Variants in SHC4 observed in about 807,000 individuals in gnomAD.
The protein encoded by SHC4 is SHC-transforming protein 4.
In SHC4, 41 loss-of-function variants were observed where a neutral mutation model predicts 69.4. That is an observed-to-expected ratio of 0.59 (90% CI 0.46 to 0.77). The LOEUF (loss-of-function observed/expected upper bound fraction) is 0.77, where lower values mean the gene tolerates loss of function less well. SHC4 is among the 30% of genes least tolerant of loss of function. The probability of loss-of-function intolerance (pLI) is 0.00; values close to 1 mark genes in which losing one functional copy is unlikely to be tolerated. For missense variants in SHC4, 777 were observed against 783.8 expected (o/e 0.99, Z 0.10); for synonymous variants, 318 against 299.3 (o/e 1.06, Z -0.64).
At chr15:48,940,990 G>A (rs1010262002) in intron 1 of SHC4, among the ~76,000 whole-genome samples, 1 of 152,160 alleles carries the variant, frequency 6.6e-6, no homozygotes, top group Admixed American at 6.5e-5. Flanking sequence ...TGTACCTGGA[G>A]CAGTGAATTC....
chr15:48,828,525 G>A (rs1009555354), intron 11 of SHC4, among the ~76,000 whole-genome samples: 1 of 152,168 alleles, frequency 6.6e-6, no homozygotes, highest in Non-Finnish European at 1.5e-5. Flanking sequence ...CCAGAAGTGA[G>A]GTTGCTAGAT....
At position 48,834,880 on chromosome 15, in the gene SHC4, C is replaced by T; in HGVS notation, c.1626G>A (p.Lys542=). ...SRKAAESLLV[K]DGDFLVRESA... is the part of the protein sequence containing the mutation. ...TCTCTCGAACCAAAAAGTCCCCATC[C>T]TTTACCAAGAGGCTCTCTGCCGCCT... Residue 542 remains lysine, a synonymous_variant, in exon 11 of 12, where the codon AAG becomes AAA. Transcript: ENST00000332408. 1 of 1,614,150 alleles carries T rather than the reference C, an allele frequency of 6.2e-7. No individual in the cohort carries two copies.
chr15:48,855,582 G>A (rs1899297596), intron 8 of SHC4, among the ~76,000 whole-genome samples: 1 of 152,164 alleles, frequency 6.6e-6, no homozygotes. Flanking sequence ...CTAGGACACA[G>A]AGTTGGCAGG....
chr15:48,825,827 G>T lies in SHC4; in HGVS notation c.*144C>A. 3.2e-6 allele frequency: 3 copies of T among 935,814 alleles called. No individual in the cohort carries two copies. Among genetic ancestry groups the T allele is most frequent in the South Asian group, 4.3e-5 (2 of 46,668 alleles). 58.0% of individuals were successfully genotyped at this position (935,814 alleles called of 1,614,324 possible). ...ATTTTTGTTAGTTCTTCATTTTATAGAGGACCTGGTCCATGATGGTCTTGG... is the reference window on the plus strand; with the variant it reads ...ATTTTTGTTAGTTCTTCATTTTATATAGGACCTGGTCCATGATGGTCTTGG... On this transcript the variant is annotated 3_prime_UTR_variant, in exon 12 of 12. Coordinates refer to ENST00000332408, the MANE Select transcript of SHC4 (RefSeq NM_203349.4).
At chr15:48,924,750 C>T (rs1293269892) in intron 2 of SHC4, 129 bp downstream of exon 2, 2 of 916,314 alleles carry the variant, frequency 2.2e-6, no homozygotes, top group Non-Finnish European at 3.5e-6. Context: ...CTGGGCGAGC[C>T]TTCTACACTC....
chr15:48,856,022 C>T lies in SHC4; in HGVS notation c.1173G>A (p.Met391Ile). 6 of 1,613,912 alleles carry T rather than the reference C, an allele frequency of 3.7e-6. No individual in the cohort carries two copies. The highest frequency in any genetic ancestry group is 2.2e-5 in the East Asian group (1 of 44,880). The change falls in exon 8 of 12, where the codon ATG becomes ATA. Residue 391 changes from methionine to isoleucine, a missense_variant. Physicochemically the swap from Met to Ile is conservative, Grantham distance 10. Coordinates refer to ENST00000332408, the MANE Select transcript of SHC4 (RefSeq NM_203349.4). ...GTTCCGTGGCTTGAACTTTGATCCG[C>T]ATATCTGAAACACCACCTACTGGTG... ...KQPPVGGVSDMRIKVQATEQM... is the reference protein window; with the variant it reads ...KQPPVGGVSDIRIKVQATEQM...
chr15:48,887,170 G>A lies in SHC4; in HGVS notation c.721-2803C>T, dbSNP rs189856213. ...TCCATTAGCACTCCAAACTGCTAAT[G>A]ATGCAGTATCTAACAGATCTAAAGA... On this transcript the variant is annotated intron_variant, in intron 3 of 11. Transcript: ENST00000332408. 5.8e-3 allele frequency among the ~76,000 whole-genome samples: 889 copies of A among 152,286 alleles called. 12 individuals are homozygous for A. The highest frequency in any genetic ancestry group is 0.02 in the African/African-American group (848 of 41,544).
intron 1 of SHC4, among the ~76,000 whole-genome samples, chr15:48,940,414 C>T (rs1348368117): frequency 1.3e-5 from 2 of 152,098 alleles, no homozygotes; most frequent in Admixed American, 1.3e-4. Context: ...GCTTTCAGTA[C>T]CTAGGATGTC....
At chr15:48,931,985 A>G (rs16952958) in intron 1 of SHC4, among the ~76,000 whole-genome samples, 30,636 of 151,750 alleles carry the variant, frequency 0.2, 3,533 homozygotes, top group East Asian at 0.55. Context: ...ACAATTGATC[A>G]TCCAGATGCG....
chr15:48,940,890 A>G (rs1901163126), intron 1 of SHC4, among the ~76,000 whole-genome samples: 1 of 152,252 alleles, frequency 6.6e-6, no homozygotes, highest in South Asian at 2.1e-4. Context: ...TTGAAAAAGC[A>G]GCAGTCAACA....
In SHC4 at chr15:48,867,843, T is replaced by C; in HGVS notation, c.921A>G (p.Val307=). 1 of 1,613,698 alleles carries C rather than the reference T, an allele frequency of 6.2e-7. No homozygotes were observed. Among genetic ancestry groups the C allele is most frequent in the Non-Finnish European group, 8.5e-7 (1 of 1,179,740 alleles). ...CTCGTTGATTAACTGGATCTTTAGC[T>C]ACGTAGGCAACATAGTCTGTAGTAT... is the stretch of plus-strand genomic sequence containing the variant. The part of the protein sequence containing the change: ...DPDTTDYVAY[V]AKDPVNQRAC... The change falls in exon 6 of 12, where the codon GTA becomes GTG. Residue 307 remains valine (V), a synonymous_variant. Coordinates refer to ENST00000332408, the MANE Select transcript of SHC4 (RefSeq NM_203349.4).
chr15:48,926,092 A>G lies in SHC4; in HGVS notation c.586-1143T>C, dbSNP rs28647570. 1.1e-3 allele frequency among the ~76,000 whole-genome samples: 171 copies of G among 152,304 alleles called. 2 individuals carry two copies. Among genetic ancestry groups the G allele is most frequent in the African/African-American group, 4.1e-3 (170 of 41,576 alleles). On this transcript the variant is annotated intron_variant, in intron 1 of 11. Coordinates refer to ENST00000332408, the MANE Select transcript of SHC4 (RefSeq NM_203349.4). The stretch of plus-strand genomic sequence containing the variant: ...GACTTAAGGCACCGGTGGGGTATCC[A>G]GGAAATAACAGGCTGGCAGCTGAAA...
At chr15:48,858,851 A>C (rs991678185) in intron 6 of SHC4, among the ~76,000 whole-genome samples, 1 of 152,234 alleles carries the variant, frequency 6.6e-6, no homozygotes. Flanking sequence ...TTTAATATAC[A>C]CAAGAGTGTT....
At chr15:48,886,476 G>A (rs747464414) in intron 3 of SHC4, among the ~76,000 whole-genome samples, 21 of 152,032 alleles carry the variant, frequency 1.4e-4, no homozygotes, top group Non-Finnish European at 2.2e-4. Context: ...TTAAAAGACC[G>A]ATGGAAGAAA....
chr15:48,947,656 T>A (rs1901299725), intron 1 of SHC4, among the ~76,000 whole-genome samples: 1 of 152,150 alleles, frequency 6.6e-6, no homozygotes, highest in Non-Finnish European at 1.5e-5. Context: ...CTAAAATATA[T>A]CCACTTTGTG....
chr15:48,883,186 AAAT>A (rs1899975085), intron 4 of SHC4, among the ~76,000 whole-genome samples: 1 of 152,178 alleles, frequency 6.6e-6, no homozygotes, highest in South Asian at 2.1e-4. Context: ...ATATTTGAGT[AAAT>A]AATAATAGGT....
At chr15:48,924,135 G>A (rs1170550513) in intron 2 of SHC4, among the ~76,000 whole-genome samples, 1 of 152,082 alleles carries the variant, frequency 6.6e-6, no homozygotes, top group Non-Finnish European at 1.5e-5. Context: ...ATCTACTGTG[G>A]CATGCCCCTG....
intron 11 of SHC4, among the ~76,000 whole-genome samples, 171 bp downstream of exon 11, chr15:48,834,598 C>A (rs1898865312): frequency 6.6e-6 from 1 of 152,136 alleles, no homozygotes; most frequent in Non-Finnish European, 1.5e-5. Context: ...TGGCCTCCTA[C>A]TCTAACCCCT....
At chr15:48,907,840 G>GTATATATATATGTGTGTGTGTGTGTATA (rs1900436821) in intron 2 of SHC4, among the ~76,000 whole-genome samples, 5 of 142,180 alleles carry the variant, frequency 3.5e-5, no homozygotes, top group African/African-American at 1.1e-4. Flanking sequence ...GTGTGTGTGT[G>GTATATATATATGTGTGTGTGTGTGTATA]TATATATATA....
Sources: gnomAD v4.1 joint callset for allele counts (sites outside exome capture counted in the v4.1 genomes callset) on GRCh38, gnomAD v4.1.1 for gene constraint, MANE v1.5 for transcripts, NCBI Gene and HGNC (gene_info 2026-07-23, HGNC 2026-07-21) for gene names.